KLHL4: variants seen among roughly 807,000 people sequenced by gnomAD.
KLHL4 encodes kelch-like protein 4.
A neutral mutation model predicts 45.8 loss-of-function variants in KLHL4; 17 were observed. The observed-to-expected ratio is 0.37, with a 90% CI of 0.25 to 0.56. KLHL4 has a LOEUF of 0.56. Among genes scored for constraint, KLHL4 ranks in the 20% least tolerant of loss-of-function variants. The pLI is 0.79. For missense variants in KLHL4, 544 were observed against 544.9 expected (o/e 1.00, Z 0.02); for synonymous variants, 224 against 189.9 (o/e 1.18, Z -1.47).
At chrX:87,579,521 T>TA (rs1921206416) in intron 1 of KLHL4, among the ~76,000 whole-genome samples, 1 of 111,133 alleles carries the variant, frequency 9.0e-6, no homozygotes, top group Non-Finnish European at 1.9e-5. Flanking sequence ...TCCAAAACAT[T>TA]ATCCACCAAG....
At chrX:87,636,594 T>C (rs1432564575) in intron 9 of KLHL4, among the ~76,000 whole-genome samples, 1 of 111,395 alleles carries the variant, frequency 9.0e-6, no homozygotes, top group African/African-American at 3.3e-5. Flanking sequence ...CCCTGCTCAC[T>C]GGCTGCCTTG....
chrX:87,622,829 G>A (rs1490010965), intron 5 of KLHL4, among the ~76,000 whole-genome samples: 2 of 110,883 alleles, frequency 1.8e-5, no homozygotes, highest in East Asian at 5.6e-4. Flanking sequence ...AATATTATCC[G>A]CTACGATCAA....
chrX:87,666,617 C>G lies in KLHL4; in HGVS notation c.*83C>G. On this transcript the variant is annotated 3_prime_UTR_variant, in exon 11 of 11. Transcript: ENST00000373119. ...ACAAAGGGAGAAAGAAATACATGTT[C>G]TTTTTCCTGCAATTAATAATCAGAC... is the stretch of plus-strand genomic sequence containing the variant. 1 of 1,024,081 alleles carries G rather than the reference C, an allele frequency of 9.8e-7. No homozygotes were observed. The highest frequency in any genetic ancestry group is 1.3e-6 in the Non-Finnish European group (1 of 793,068). The allele number at this position is 1,024,081 out of a possible 1,213,427, so 84.4% of individuals were successfully genotyped here.
chrX:87,659,748 G>A (rs1262595299), intron 9 of KLHL4, among the ~76,000 whole-genome samples: 1 of 110,464 alleles, frequency 9.1e-6, no homozygotes, highest in African/African-American at 3.3e-5. Flanking sequence ...ATTTTTTTCT[G>A]TTTCTTTGTA....
At chrX:87,530,119 T>C (rs998262935) in intron 1 of KLHL4, among the ~76,000 whole-genome samples, 1 of 111,013 alleles carries the variant, frequency 9.0e-6, no homozygotes, top group East Asian at 2.8e-4. Flanking sequence ...AGAAGCTCTT[T>C]AGTTTAATTA....
chrX:87,528,706 C>CAAAAAAAAAAAAAA (rs1160857135), intron 1 of KLHL4, among the ~76,000 whole-genome samples: 1 of 31,497 alleles, frequency 3.2e-5, no homozygotes, highest in Admixed American at 4.9e-4. Context: ...CAAAGCGAGA[C>CAAAAAAAAAAAAAA]AAAAAAAAAA....
intron 9 of KLHL4, among the ~76,000 whole-genome samples, chrX:87,639,038 G>A (rs770070014): frequency 9.9e-5 from 11 of 111,253 alleles, no homozygotes; most frequent in African/African-American, 3.3e-4. Context: ...AAATGAGCAG[G>A]AATAGCTATT....
At chrX:87,539,478 T>C (rs746143438) in intron 1 of KLHL4, among the ~76,000 whole-genome samples, 6 of 111,010 alleles carry the variant, frequency 5.4e-5, no homozygotes, top group Non-Finnish European at 1.1e-4. Flanking sequence ...TGCATCCGAT[T>C]TTTGGACCCA....
chrX:87,597,631 C>T (rs932356221), intron 1 of KLHL4, among the ~76,000 whole-genome samples: 5 of 111,386 alleles, frequency 4.5e-5, no homozygotes, highest in Admixed American at 1.9e-4. Flanking sequence ...TACTTCAAAG[C>T]GAAAGCATTC....
At position 87,623,288 on chromosome X, in the gene KLHL4, C is replaced by CTTTTT. The variant is rs67869297; in HGVS notation, c.1137+885_1137+889dup. Among the ~76,000 whole-genome samples the CTTTTT allele has an allele frequency of 1.5e-3, 73 of 50,190 alleles. 1 individual carries two copies. The highest frequency in any genetic ancestry group is 0.013 in the South Asian group (8 of 613). 43.6% of individuals were successfully genotyped at this position (50,190 alleles called of 115,157 possible). ...ATCTGTTGATGATTTTTCCTTTTTT[C>CTTTTT]TTTTTTTTTTTTTTTTTTTTTTTTG... is the stretch of plus-strand genomic sequence containing the variant. On this transcript the variant is annotated intron_variant, in intron 5 of 10. Transcript: ENST00000373119.
At chrX:87,651,268 G>C (rs1049530932) in intron 9 of KLHL4, among the ~76,000 whole-genome samples, 1 of 111,372 alleles carries the variant, frequency 9.0e-6, no homozygotes, top group African/African-American at 3.3e-5. Flanking sequence ...GATGAGATTT[G>C]AGTGGGGACA....
intron 10 of KLHL4, among the ~76,000 whole-genome samples, chrX:87,665,954 T>C (rs1230446226): frequency 2.7e-5 from 3 of 111,614 alleles, no homozygotes; most frequent in African/African-American, 9.7e-5. Flanking sequence ...GGAAAAAAAA[T>C]ATCATGCAAG....
chrX:87,592,437 A>G (rs1921702995), intron 1 of KLHL4, among the ~76,000 whole-genome samples: 1 of 111,546 alleles, frequency 9.0e-6, no homozygotes, highest in South Asian at 3.8e-4. Flanking sequence ...AGACAGCCAT[A>G]CTGTGCTTCA....
chrX:87,626,330 G>A (rs1314921653), intron 6 of KLHL4, among the ~76,000 whole-genome samples: 1 of 111,572 alleles, frequency 9.0e-6, no homozygotes, highest in Non-Finnish European at 1.9e-5. Context: ...GCATTCTTTT[G>A]AGCATCTGAT....
At chrX:87,556,895 G>A (rs1035350901) in intron 1 of KLHL4, among the ~76,000 whole-genome samples, 1 of 110,767 alleles carries the variant, frequency 9.0e-6, no homozygotes, top group Admixed American at 9.7e-5. Flanking sequence ...TAGAAGCCAG[G>A]TATTCAAAAA....
At chrX:87,622,986 T>G (rs986383041) in intron 5 of KLHL4, among the ~76,000 whole-genome samples, 5 of 111,894 alleles carry the variant, frequency 4.5e-5, no homozygotes, top group African/African-American at 1.6e-4. Context: ...TCATACTGAA[T>G]TTTGGAATGC....
rs867450305 is a variant in KLHL4, at chrX:87,528,099, G to A, written c.422+9784G>A. ...AAGAATTTAAAATAATGATTATAAG[G>A]AAACTCAACATGATACAAAAAAATT... On this transcript the variant is annotated intron_variant, in intron 1 of 10. Coordinates refer to ENST00000373119, the MANE Select transcript of KLHL4 (RefSeq NM_019117.5). Among the ~76,000 whole-genome samples the A allele has an allele frequency of 1.2e-4, 13 of 110,962 alleles. No homozygotes were observed. In the Middle Eastern group the frequency reaches 0.014, roughly 121 times the overall value.
At position 87,666,591 on chromosome X, in the gene KLHL4, G is replaced by T; in HGVS notation, c.*57G>T. 1 of 1,072,637 alleles carries T rather than the reference G, an allele frequency of 9.3e-7. No homozygotes were observed. Among genetic ancestry groups the T allele is most frequent in the South Asian group, 2.8e-5 (1 of 35,961 alleles). The allele number at this position is 1,072,637 out of a possible 1,213,427, so 88.4% of individuals were successfully genotyped here. On this transcript the variant is annotated 3_prime_UTR_variant, in exon 11 of 11. Transcript: ENST00000373119. ...TAGATAATTTCAAGAAACTGAGTAG[G>T]ACAAAGGGAGAAAGAAATACATGTT...
intron 1 of KLHL4, among the ~76,000 whole-genome samples, chrX:87,560,464 T>G (rs1459518595): frequency 9.1e-6 from 1 of 110,202 alleles, no homozygotes; most frequent in African/African-American, 3.3e-5. Context: ...GCAAGAACAC[T>G]TAATATGAGA....
Sources: allele counts gnomAD v4.1 joint callset (sites outside exome capture counted in the v4.1 genomes callset), GRCh38; gene constraint gnomAD v4.1.1; transcripts MANE v1.5; gene names NCBI Gene and HGNC (gene_info 2026-07-23, HGNC 2026-07-21).